Variants in ATXN7L1 observed in about 807,000 individuals in gnomAD.
The protein encoded by ATXN7L1 is ataxin-7-like protein 1.
ATXN7L1 carries 15 observed loss-of-function variants against 70.8 expected under a neutral mutation model. That is an observed-to-expected ratio of 0.21 (90% CI 0.14 to 0.33). The LOEUF is 0.33. Among genes scored for constraint, ATXN7L1 ranks in the 10% least tolerant of loss-of-function variants. The pLI, the probability that ATXN7L1 is intolerant of heterozygous loss-of-function variation, is 1.00. For synonymous variants in ATXN7L1, 440 were observed against 445.1 expected (o/e 0.99, Z 0.14); for missense variants, 975 against 1,097.1 (o/e 0.89, Z 1.57).
intron 3 of ATXN7L1, among the ~76,000 whole-genome samples, chr7:105,710,401 CTTTTTTTT>C (rs34003989): frequency 3.8e-4 from 30 of 78,132 alleles, no homozygotes; most frequent in African/African-American, 1.4e-3. Flanking sequence ...GTGCCATGCA[CTTTTTTTT>C]TTTTTTTTTT....
In ATXN7L1 at chr7:105,716,049, G is replaced by T. The variant is rs549123033; in HGVS notation, c.356-50761C>A. 2.6e-5 allele frequency among the ~76,000 whole-genome samples: 4 copies of T among 152,220 alleles called. No homozygotes were observed. The South Asian group carries it at 6.2e-4, about 24-fold the overall frequency. On this transcript the variant is annotated intron_variant, in intron 3 of 11. Coordinates refer to ENST00000419735, the MANE Select transcript of ATXN7L1 (RefSeq NM_020725.2). ...AGAAAAAAGAGATGGTGTTGGAGAAGAAGGAGCTTCAGGGGGCATTTATGT... is the reference window on the plus strand; with the variant it reads ...AGAAAAAAGAGATGGTGTTGGAGAATAAGGAGCTTCAGGGGGCATTTATGT...
At chr7:105,727,765 T>TATATATATATA (rs1554442510) in intron 3 of ATXN7L1, among the ~76,000 whole-genome samples, 1 of 92,654 alleles carries the variant, frequency 1.1e-5, no homozygotes. Flanking sequence ...TATATATATA[T>TATATATATATA]ATATATATAT....
At chr7:105,722,087 G>A (rs530568047) in intron 3 of ATXN7L1, among the ~76,000 whole-genome samples, 2 of 152,320 alleles carry the variant, frequency 1.3e-5, no homozygotes, top group East Asian at 1.9e-4. Flanking sequence ...TTTACTGGTA[G>A]TGGTAACTTT....
intron 7 of ATXN7L1, among the ~76,000 whole-genome samples, chr7:105,632,027 A>T (rs1209024705): frequency 6.6e-6 from 1 of 152,178 alleles, no homozygotes; most frequent in Non-Finnish European, 1.5e-5. Flanking sequence ...GGAATCCTCA[A>T]ACAAAAGGCT....
intron 3 of ATXN7L1, among the ~76,000 whole-genome samples, chr7:105,775,633 A>G (rs1414036482): frequency 6.6e-6 from 1 of 152,174 alleles, no homozygotes; most frequent in Non-Finnish European, 1.5e-5. Flanking sequence ...CTCCTCTTGA[A>G]AGAGTACAGT....
chr7:105,776,445 C>A (rs1158539119), intron 3 of ATXN7L1, among the ~76,000 whole-genome samples: 1 of 151,622 alleles, frequency 6.6e-6, no homozygotes, highest in Non-Finnish European at 1.5e-5. Context: ...TTCCTTCCTT[C>A]TTTCTTCCAA....
In ATXN7L1 at chr7:105,613,544, G is replaced by T. The variant is rs920559258; in HGVS notation, c.2472+318C>A. On this transcript the variant is annotated intron_variant, in intron 10 of 11. Transcript: ENST00000419735. ...GATAAAACTGACCGATGTGGAGTGG[G>T]GAACTCAGAATCTCTCTGTGCCTCA... 33 of 1,280,774 alleles carry T rather than the reference G, an allele frequency of 2.6e-5. No homozygotes were observed. In the African/African-American group the frequency reaches 4.9e-4, roughly 19 times the overall value. 79.3% of individuals were successfully genotyped at this position (1,280,774 alleles called of 1,614,324 possible).
chr7:105,744,053 T>TTAGC (rs1491318246), intron 3 of ATXN7L1, among the ~76,000 whole-genome samples: 1 of 152,144 alleles, frequency 6.6e-6, no homozygotes, highest in Non-Finnish European at 1.5e-5. Context: ...AATGCCCAGT[T>TTAGC]CTCTCTCTAA....
At position 105,654,149 on chromosome 7, in the gene ATXN7L1, T is replaced by C. The variant is rs576884587; in HGVS notation, c.578+10917A>G. Among the ~76,000 whole-genome samples the C allele has an allele frequency of 3.3e-5, 5 of 152,358 alleles. No individual in the cohort carries two copies. In the East Asian group the frequency reaches 9.6e-4, roughly 29 times the overall value. On this transcript the variant is annotated intron_variant, in intron 4 of 11. Transcript: ENST00000419735. ...GATAAATGTTTGATGAATGAATTAA[T>C]GTTCTCAGTGGAAGTTAAATCACAT...
chr7:105,811,076 C>T, intron 2 of ATXN7L1, among the ~76,000 whole-genome samples: 1 of 152,200 alleles, frequency 6.6e-6, no homozygotes, highest in East Asian at 1.9e-4. Flanking sequence ...TGGTGAAGTC[C>T]TATCCCCAAT....
rs914287072 is a variant in ATXN7L1 at position 105,760,123 on chromosome 7, A to T, written c.355+28481T>A. The T allele has an allele frequency of 5.6e-6, 5 of 899,030 alleles. No individual in the cohort carries two copies. In the Admixed American group the frequency reaches 3.1e-4, roughly 56 times the overall value. 55.7% of individuals were successfully genotyped at this position (899,030 alleles called of 1,614,324 possible). A position where few individuals can be genotyped will look rare whatever the true frequency, so the allele number is the denominator to read the frequency against. On this transcript the variant is annotated intron_variant, in intron 3 of 11. Transcript: ENST00000419735. Reference sequence around the variant, plus strand: ...CTTCCATCATGCTTTCCATATGCCAAGTTCTCCTCTTGTCACTCATACTGG... The same window carrying T: ...CTTCCATCATGCTTTCCATATGCCATGTTCTCCTCTTGTCACTCATACTGG...
In ATXN7L1 at chr7:105,621,291, C is replaced by CA. The variant is rs142526517; in HGVS notation, c.1396-971dup. On this transcript the variant is annotated intron_variant, in intron 8 of 11. Transcript: ENST00000419735. ...GTTCCCTTATCAAGACTCTCATTTC[C>CA]AGTGGCTCTCATCTGAGTGATCTTC... Among the ~76,000 whole-genome samples the CA allele has an allele frequency of 1.2e-4, 18 of 152,280 alleles. No homozygotes were observed. In the East Asian group the frequency reaches 3.5e-3, roughly 29 times the overall value.
chr7:105,686,980 C>A (rs1303041997), intron 3 of ATXN7L1, among the ~76,000 whole-genome samples: 3 of 152,210 alleles, frequency 2.0e-5, no homozygotes, highest in East Asian at 3.9e-4. Context: ...GCCTACTGGT[C>A]CACAAGCTTC....
chr7:105,856,501 G>A (rs1233078591), intron 2 of ATXN7L1, among the ~76,000 whole-genome samples: 4 of 150,970 alleles, frequency 2.6e-5, no homozygotes, highest in Non-Finnish European at 4.4e-5. Context: ...CAGGAGAATC[G>A]CTGGAACTTG....
intron 3 of ATXN7L1, chr7:105,761,172 A>G (rs1263591946): frequency 1.5e-6 from 2 of 1,290,820 alleles, no homozygotes; most frequent in Non-Finnish European, 2.0e-6. Context: ...TGAAGAGAAG[A>G]ACCCCACAGG....
intron 2 of ATXN7L1, among the ~76,000 whole-genome samples, chr7:105,801,013 C>T (rs1420596848): frequency 6.6e-6 from 1 of 152,130 alleles, no homozygotes; most frequent in Non-Finnish European, 1.5e-5. Flanking sequence ...TCTAGCACCA[C>T]CTACTTGGGA....
chr7:105,672,343 A>T (rs1803889887), intron 3 of ATXN7L1, among the ~76,000 whole-genome samples: 1 of 152,192 alleles, frequency 6.6e-6, no homozygotes, highest in African/African-American at 2.4e-5. Flanking sequence ...GGTAAGTTTG[A>T]TTAACAAAGC....
At chr7:105,765,061 G>T (rs143693016) in intron 3 of ATXN7L1, among the ~76,000 whole-genome samples, 1 of 152,126 alleles carries the variant, frequency 6.6e-6, no homozygotes, top group Non-Finnish European at 1.5e-5. Context: ...TAGGCCGGGC[G>T]TGGTGGCTCA....
At chr7:105,679,274 G>T in intron 3 of ATXN7L1, 1 of 453,928 alleles carries the variant, frequency 2.2e-6, no homozygotes, top group Non-Finnish European at 2.9e-6. Context: ...AGATGAACTT[G>T]GGTATTCCTG....
Sources: allele counts gnomAD v4.1 joint callset (sites outside exome capture counted in the v4.1 genomes callset), GRCh38; gene constraint gnomAD v4.1.1; transcripts MANE v1.5; gene names NCBI Gene and HGNC (gene_info 2026-07-23, HGNC 2026-07-21).